Variants in CDK17 observed in about 807,000 individuals in gnomAD.
The protein encoded by CDK17 is cyclin dependent kinase 17, also known as cyclin-dependent kinase 17.
A neutral mutation model predicts 77.6 loss-of-function variants in CDK17; 24 were observed. The ratio of observed to expected loss-of-function variants is 0.31; its 90% CI spans 0.22 to 0.44. The LOEUF (loss-of-function observed/expected upper bound fraction) is 0.44, where lower values mean the gene tolerates loss of function less well. Among genes scored for constraint, CDK17 ranks in the 20% least tolerant of loss-of-function variants. The pLI, the probability that CDK17 is intolerant of heterozygous loss-of-function variation, is 1.00. For synonymous variants in CDK17, 203 were observed against 210.4 expected (o/e 0.96, Z 0.30); for missense variants, 429 against 622.5 (o/e 0.69, Z 3.31).
At chr12:96,328,394 C>T (rs1269655235) in intron 2 of CDK17, among the ~76,000 whole-genome samples, 1 of 151,994 alleles carries the variant, frequency 6.6e-6, no homozygotes, top group Non-Finnish European at 1.5e-5. Context: ...AAACCATTCC[C>T]CCAACCTCAG....
Position 96,324,036 on chromosome 12 carries a change from G to A in CDK17, c.195C>T (p.Phe65=). 1 of 1,612,096 alleles carries A rather than the reference G, an allele frequency of 6.2e-7. No individual in the cohort carries two copies. Among genetic ancestry groups the A allele is most frequent in the Non-Finnish European group, 8.5e-7 (1 of 1,179,058 alleles). Residue 65 remains phenylalanine (F), a synonymous_variant, in exon 3 of 17, where the codon TTC becomes TTT. Transcript: ENST00000261211. ...HSFLHQYTGS[F]KKPPLRRPHS... ...GTGGTCTCCGCAATGGGGGCTTCTT[G>A]AAAGATCCTGTGTACTGGTGGAGGA...
intron 1 of CDK17, among the ~76,000 whole-genome samples, chr12:96,367,175 T>C (rs1481232128): frequency 6.6e-6 from 1 of 151,858 alleles, no homozygotes; most frequent in South Asian, 2.1e-4. Context: ...AAACCTCGTC[T>C]GTACTAAAAA....
chr12:96,330,155 T>C (rs1388444913), intron 2 of CDK17, among the ~76,000 whole-genome samples: 2 of 152,190 alleles, frequency 1.3e-5, no homozygotes, highest in African/African-American at 2.4e-5. Context: ...TCAAATTCAA[T>C]AATCTCAATA....
intron 1 of CDK17, among the ~76,000 whole-genome samples, chr12:96,343,595 A>G (rs1481586516): frequency 6.6e-6 from 1 of 152,234 alleles, no homozygotes; most frequent in African/African-American, 2.4e-5. Context: ...AGATATTGTT[A>G]TATCATTGTC....
chr12:96,397,089 A>C (rs1954182624), intron 1 of CDK17, among the ~76,000 whole-genome samples: 1 of 152,174 alleles, frequency 6.6e-6, no homozygotes, highest in Non-Finnish European at 1.5e-5. Context: ...GAAAGGAAAG[A>C]AGGAAAATAT....
intron 1 of CDK17, among the ~76,000 whole-genome samples, chr12:96,350,748 G>C (rs1330027049): frequency 6.6e-6 from 1 of 152,038 alleles, no homozygotes; most frequent in African/African-American, 2.4e-5. Context: ...CTAAATATAA[G>C]AGTTAAAACT....
intron 1 of CDK17, among the ~76,000 whole-genome samples, chr12:96,393,576 C>A (rs1441549207): frequency 6.6e-6 from 1 of 151,636 alleles, no homozygotes; most frequent in Non-Finnish European, 1.5e-5. Context: ...CTACTAAAAA[C>A]ACAAAACTTA....
At chr12:96,391,627 C>T (rs1212383064) in intron 1 of CDK17, among the ~76,000 whole-genome samples, 1 of 152,174 alleles carries the variant, frequency 6.6e-6, no homozygotes, top group Non-Finnish European at 1.5e-5. Context: ...ACTCCTGATA[C>T]ACTGACCAAT....
chr12:96,353,104 A>G (rs1401774577), intron 1 of CDK17, among the ~76,000 whole-genome samples: 1 of 152,208 alleles, frequency 6.6e-6, no homozygotes, highest in Non-Finnish European at 1.5e-5. Flanking sequence ...CACTCCAAAT[A>G]TATTTGGCCA....
chr12:96,336,674 T>G (rs1454553902), intron 1 of CDK17, among the ~76,000 whole-genome samples: 1 of 152,226 alleles, frequency 6.6e-6, no homozygotes, highest in East Asian at 1.9e-4. Context: ...TGCCTAATGT[T>G]TTCTACTAAC....
chr12:96,311,711 A>G (rs1469535149), intron 4 of CDK17, among the ~76,000 whole-genome samples: 1 of 151,698 alleles, frequency 6.6e-6, no homozygotes, highest in East Asian at 1.9e-4. Context: ...CATTCATAAC[A>G]GCAGCCAAAC....
chr12:96,305,592 T>G (rs961592332), intron 5 of CDK17, among the ~76,000 whole-genome samples: 1 of 152,106 alleles, frequency 6.6e-6, no homozygotes, highest in African/African-American at 2.4e-5. Context: ...TTAAGCATCC[T>G]GAAAAGATGG....
chr12:96,355,362 T>C (rs2137178812), intron 1 of CDK17, among the ~76,000 whole-genome samples: 1 of 151,992 alleles, frequency 6.6e-6, no homozygotes. Context: ...TGCTTTAATT[T>C]TCTCCACAGT....
chr12:96,286,477 A>G (rs985059846), intron 12 of CDK17, among the ~76,000 whole-genome samples, 187 bp downstream of exon 12: 2 of 152,182 alleles, frequency 1.3e-5, no homozygotes, highest in African/African-American at 2.4e-5. Context: ...TATTGCAAAG[A>G]TAAAACTTAG....
Position 96,279,989 on chromosome 12 carries a change from T to C in CDK17, c.*253A>G, listed in dbSNP as rs1308779063. On this transcript the variant is annotated 3_prime_UTR_variant, in exon 17 of 17. Transcript: ENST00000261211. Reference sequence around the variant, plus strand: ...TCCTGCACAAAAATTGCAGCTATAGTTACATCAATAGCTGTAACCTACTGG... The same window carrying C: ...TCCTGCACAAAAATTGCAGCTATAGCTACATCAATAGCTGTAACCTACTGG... 2.6e-6 allele frequency: 1 copy of C among 385,414 alleles called. No individual in the cohort carries two copies. The highest frequency in any genetic ancestry group is 2.1e-5 in the African/African-American group (1 of 48,142). The allele number at this position is 385,414 out of a possible 1,614,324, so 23.9% of individuals were successfully genotyped here.
At chr12:96,292,012 A>G (rs1952330836) in intron 10 of CDK17, among the ~76,000 whole-genome samples, 1 of 152,330 alleles carries the variant, frequency 6.6e-6, no homozygotes, top group African/African-American at 2.4e-5. Context: ...AAGAGAAAGA[A>G]AAAAGAGAGA....
At chr12:96,346,344 C>T (rs935619511) in intron 1 of CDK17, among the ~76,000 whole-genome samples, 3 of 148,250 alleles carry the variant, frequency 2.0e-5, no homozygotes, top group Admixed American at 6.7e-5. Flanking sequence ...CCCAGCTACT[C>T]GGGAGGCCGA....
chr12:96,306,178 A>G (rs1399749199), intron 5 of CDK17, among the ~76,000 whole-genome samples: 2 of 152,210 alleles, frequency 1.3e-5, no homozygotes, highest in Non-Finnish European at 2.9e-5. Context: ...GCCCTACTGT[A>G]TAACTTTCTC....
At chr12:96,340,459 A>C (rs1256541816) in intron 1 of CDK17, among the ~76,000 whole-genome samples, 1 of 152,306 alleles carries the variant, frequency 6.6e-6, no homozygotes, top group East Asian at 1.9e-4. Flanking sequence ...CTGTGGTATA[A>C]TTGTAAAATT....
Sources: gnomAD v4.1 joint callset for allele counts (sites outside exome capture counted in the v4.1 genomes callset) on GRCh38, gnomAD v4.1.1 for gene constraint, MANE v1.5 for transcripts, NCBI Gene and HGNC (gene_info 2026-07-23, HGNC 2026-07-21) for gene names.